The following DAPK1 variants were observed in gnomAD, a reference collection of about 807,000 sequenced individuals.
The protein encoded by DAPK1 is death associated protein kinase 1.
Under a neutral mutation model 144.9 loss-of-function variants are expected in DAPK1, and 56 were observed. The observed-to-expected ratio is 0.39, with a 90% confidence interval of 0.31 to 0.48. The LOEUF is 0.48. Among genes scored for constraint, DAPK1 ranks in the 20% least tolerant of loss-of-function variants. DAPK1 has a pLI of 0.95. For synonymous variants in DAPK1, 690 were observed against 749.0 expected (o/e 0.92, Z 1.29); for missense variants, 1,454 against 1,875.4 (o/e 0.78, Z 4.15).
At chr9:87,560,901 G>T (rs10122408) in intron 2 of DAPK1, among the ~76,000 whole-genome samples, 1 of 151,768 alleles carries the variant, frequency 6.6e-6, no homozygotes, top group Non-Finnish European at 1.5e-5. Flanking sequence ...CCTGACCTCA[G>T]GTGATCCACC....
At chr9:87,627,870 G>T (rs750556919) in intron 3 of DAPK1, among the ~76,000 whole-genome samples, 13 of 152,154 alleles carry the variant, frequency 8.5e-5, no homozygotes, top group Non-Finnish European at 1.6e-4. Context: ...GGGGAATATT[G>T]CACCGTTGCC....
At chr9:87,509,463 C>T (rs1048942598) in intron 2 of DAPK1, among the ~76,000 whole-genome samples, 2 of 152,090 alleles carry the variant, frequency 1.3e-5, no homozygotes, top group Non-Finnish European at 2.9e-5. Context: ...CGGGTTCAAG[C>T]GATTCTCCTG....
At position 87,703,070 on chromosome 9, in the gene DAPK1, C is replaced by A; in HGVS notation, c.2913C>A (p.Ser971=). The A allele has an allele frequency of 6.2e-7, 1 of 1,601,108 alleles. No individual in the cohort carries two copies. The highest frequency in any genetic ancestry group is 8.6e-7 in the Non-Finnish European group (1 of 1,168,152). The change falls in exon 25 of 26, where the codon TCC becomes TCA. Residue 971 remains serine, a synonymous_variant. Coordinates refer to ENST00000408954, the MANE Select transcript of DAPK1 (RefSeq NM_004938.4). ...CTCACCTGTGTGAGAAAATCATCTC[C>A]ACGCTGCCTTCCTGGAGGAAGCTCA... The part of the protein sequence containing the change: ...PMTHLCEKII[S]TLPSWRKLNG...
At chr9:87,685,025 G>A in intron 20 of DAPK1, among the ~76,000 whole-genome samples, 1 of 152,178 alleles carries the variant, frequency 6.6e-6, no homozygotes, top group East Asian at 1.9e-4. Context: ...AGGTCACAGG[G>A]AAGTGGACAG....
intron 24 of DAPK1, 121 bp from the exon 25 acceptor site, chr9:87,702,905 AAAC>A: frequency 1.6e-6 from 1 of 633,282 alleles, no homozygotes; most frequent in Non-Finnish European, 2.9e-6. Flanking sequence ...AACAACAAAA[AAAC>A]CCACTCGTTC....
rs1220643689 is a variant in DAPK1, at chr9:87,645,951, T to C, written c.1068T>C (p.Asn356=). The C allele has an allele frequency of 6.2e-7, 1 of 1,614,100 alleles. No individual in the cohort carries two copies. The highest frequency in any genetic ancestry group is 1.7e-5 in the Admixed American group (1 of 60,026). Reference sequence around the variant, plus strand: ...TCATCCATGCCATCAACGATGACAATGTCCCAGGCCTGCAGCACCTTCTGG... The same window carrying C: ...TCATCCATGCCATCAACGATGACAACGTCCCAGGCCTGCAGCACCTTCTGG... ...KAIIHAINDD[N]VPGLQHLLGS... Residue 356 remains asparagine, a synonymous_variant, in exon 12 of 26, where the codon AAT becomes AAC. Coordinates refer to ENST00000408954, the MANE Select transcript of DAPK1 (RefSeq NM_004938.4).
At chr9:87,573,126 T>G (rs1221168855) in intron 2 of DAPK1, among the ~76,000 whole-genome samples, 2 of 152,208 alleles carry the variant, frequency 1.3e-5, no homozygotes, top group Non-Finnish European at 1.5e-5. Flanking sequence ...CCTTCCCTCC[T>G]CATAATACCT....
intron 2 of DAPK1, among the ~76,000 whole-genome samples, chr9:87,590,433 G>A (rs1587745743): frequency 6.8e-6 from 1 of 146,930 alleles, no homozygotes; most frequent in Admixed American, 6.7e-5. Flanking sequence ...GCCTAATTTT[G>A]TGTCCTATAT....
At position 87,698,798 on chromosome 9, in the gene DAPK1, A is replaced by G; in HGVS notation, c.2750+4A>G. 6.3e-7 allele frequency: 1 copy of G among 1,594,762 alleles called. No individual in the cohort carries two copies. The highest frequency in any genetic ancestry group is 8.6e-7 in the Non-Finnish European group (1 of 1,162,648). ...TGCTGAAAGAGATTAGGAACAGGTG[A>G]GGGGCAGCCACTTAGTCTCCAGCTC... On this transcript the variant is annotated splice_donor_region_variant and intron_variant, in intron 23 of 25. Transcript: ENST00000408954.
chr9:87,702,879 A>G (rs1460578511), intron 24 of DAPK1, 150 bp from the exon 25 acceptor site: 12 of 584,298 alleles, frequency 2.1e-5, no homozygotes, highest in Non-Finnish European at 3.7e-5. Context: ...CTAAAAAAAG[A>G]AAAAAAAACG....
At chr9:87,673,372 G>A (rs1184366753) in intron 19 of DAPK1, among the ~76,000 whole-genome samples, 3 of 152,148 alleles carry the variant, frequency 2.0e-5, no homozygotes, top group Admixed American at 6.5e-5. Flanking sequence ...TTCTATCTAC[G>A]CTGTCAGCTT....
At chr9:87,669,105 C>A (rs1831162730) in intron 19 of DAPK1, among the ~76,000 whole-genome samples, 1 of 152,176 alleles carries the variant, frequency 6.6e-6, no homozygotes, top group Non-Finnish European at 1.5e-5. Context: ...CCCTTTCCAG[C>A]CTACAACATG....
chr9:87,498,625 G>T, intron 1 of DAPK1: 1 of 324,290 alleles, frequency 3.1e-6, no homozygotes, highest in Non-Finnish European at 5.6e-6. Flanking sequence ...TTCTTCCGCG[G>T]CGTCCCTGGA....
intron 2 of DAPK1, among the ~76,000 whole-genome samples, chr9:87,581,981 C>G (rs564682630): frequency 5.3e-5 from 8 of 152,230 alleles, no homozygotes; most frequent in Admixed American, 2.6e-4. Context: ...GTTTGGTGCT[C>G]TACAAAAAAT....
chr9:87,622,965 C>A (rs900262425), intron 3 of DAPK1, among the ~76,000 whole-genome samples: 1 of 152,124 alleles, frequency 6.6e-6, no homozygotes, highest in African/African-American at 2.4e-5. Flanking sequence ...AAGCTGAGAA[C>A]TGCAGCCTCC....
chr9:87,670,930 A>G (rs949086028), intron 19 of DAPK1, among the ~76,000 whole-genome samples: 3 of 152,138 alleles, frequency 2.0e-5, no homozygotes, highest in Admixed American at 2.0e-4. Flanking sequence ...ATGCCCCCTT[A>G]GCAATGGTCC....
At chr9:87,702,333 A>G (rs189447305) in intron 24 of DAPK1, among the ~76,000 whole-genome samples, 1 of 152,346 alleles carries the variant, frequency 6.6e-6, no homozygotes, top group Admixed American at 6.5e-5. Flanking sequence ...CCAAGTTAAA[A>G]GGTTAAAAAT....
At chr9:87,601,890 G>A (rs1828534391) in intron 2 of DAPK1, among the ~76,000 whole-genome samples, 1 of 152,156 alleles carries the variant, frequency 6.6e-6, no homozygotes, top group Non-Finnish European at 1.5e-5. Flanking sequence ...GGGTTCTCAG[G>A]GTTATAGATT....
At chr9:87,652,508 A>G (rs1452076129) in intron 17 of DAPK1, among the ~76,000 whole-genome samples, 21 of 123,110 alleles carry the variant, frequency 1.7e-4, no homozygotes, top group African/African-American at 5.3e-4. Context: ...ACCTGATACC[A>G]GGTCCTGATT....
Sources: allele counts gnomAD v4.1 joint callset (sites outside exome capture counted in the v4.1 genomes callset), GRCh38; gene constraint gnomAD v4.1.1; transcripts MANE v1.5; gene names NCBI Gene and HGNC (gene_info 2026-07-23, HGNC 2026-07-21).